The following MCPH1 variants were observed in gnomAD, a reference collection of about 807,000 sequenced individuals.
MCPH1 encodes the protein microcephalin 1, also known as microcephalin.
In MCPH1, 104 loss-of-function variants were observed where a neutral mutation model predicts 84.5. The observed-to-expected ratio is 1.23, with a 90% CI of 1.05 to 1.45. MCPH1 has a LOEUF of 1.45. MCPH1 is among the 40% of genes most tolerant of loss of function. MCPH1 has a pLI of 0.00. For synonymous variants in MCPH1, 514 were observed against 366.8 expected (o/e 1.40, Z -4.58); for missense variants, 1,498 against 1,005.7 (o/e 1.49, Z -6.62).
intron 13 of MCPH1, among the ~76,000 whole-genome samples, chr8:6,623,013 CT>C (rs1164226735): frequency 0.03 from 3,259 of 109,874 alleles, 133 homozygotes; most frequent in African/African-American, 0.11. Flanking sequence ...GCTTTACTTT[CT>C]TTTTTTTTTT....
intron 12 of MCPH1, among the ~76,000 whole-genome samples, chr8:6,607,430 A>T (rs995577042): frequency 6.6e-6 from 1 of 152,218 alleles, no homozygotes; most frequent in African/African-American, 2.4e-5. Context: ...GAGTCACATG[A>T]AACACATACT....
chr8:6,628,627 C>G (rs1796938935), intron 13 of MCPH1, among the ~76,000 whole-genome samples: 1 of 152,036 alleles, frequency 6.6e-6, no homozygotes, highest in Non-Finnish European at 1.5e-5. Flanking sequence ...GAAGTGAAAC[C>G]AGCCATGTAT....
chr8:6,542,549 A>G (rs913503742), intron 12 of MCPH1, among the ~76,000 whole-genome samples: 6 of 152,042 alleles, frequency 3.9e-5, no homozygotes, highest in African/African-American at 1.2e-4. Flanking sequence ...TGGTCTCCCA[A>G]CACCCCATCC....
intron 3 of MCPH1, among the ~76,000 whole-genome samples, chr8:6,418,974 T>C (rs1235507932): frequency 6.6e-6 from 1 of 152,172 alleles, no homozygotes; most frequent in Non-Finnish European, 1.5e-5. Context: ...TTCAGGTCTA[T>C]ATTTCTGCAA....
chr8:6,424,259 A>G (rs1800712623), intron 3 of MCPH1, among the ~76,000 whole-genome samples: 1 of 152,230 alleles, frequency 6.6e-6, no homozygotes, highest in African/African-American at 2.4e-5. Flanking sequence ...AGTTCTGTTG[A>G]AGACAATTTA....
chr8:6,604,802 G>C (rs551453160), intron 12 of MCPH1, among the ~76,000 whole-genome samples: 1 of 152,332 alleles, frequency 6.6e-6, no homozygotes, highest in African/African-American at 2.4e-5. Context: ...ACCACATCCA[G>C]CCCAGCCTAC....
intron 12 of MCPH1, among the ~76,000 whole-genome samples, chr8:6,586,436 G>A (rs1015026947): frequency 6.6e-6 from 1 of 152,202 alleles, no homozygotes; most frequent in African/African-American, 2.4e-5. Context: ...ACGCTTCCCT[G>A]TGACTAGCCT....
intron 12 of MCPH1, among the ~76,000 whole-genome samples, chr8:6,544,688 A>G (rs1460984687): frequency 2.0e-5 from 3 of 152,178 alleles, no homozygotes; most frequent in Non-Finnish European, 4.4e-5. Context: ...TTCTAAAGTA[A>G]TTTTTACAGA....
Position 6,621,657 on chromosome 8 carries a change from C to A in MCPH1, c.2418C>A (p.Ala806=), listed in dbSNP as rs2912016. The change falls in exon 13 of 14, where the codon GCC becomes GCA. Residue 806 remains alanine (A), a synonymous_variant. Coordinates refer to ENST00000344683, the MANE Select transcript of MCPH1 (RefSeq NM_024596.5). The part of the protein sequence containing the change: ...VIGPYSGKKK[A]TVKYLSEKWV... ...GGCCCTACAGCGGAAAGAAGAAAGC[C>A]ACAGTCAAGTATCTGTCTGAGAAAT... is the stretch of plus-strand genomic sequence containing the variant. 584,778 of 1,613,730 alleles carry A rather than the reference C, an allele frequency of 0.36. 106,687 individuals carry two copies. Among genetic ancestry groups the A allele is most frequent in the East Asian group, 0.45 (19,971 of 44,852 alleles).
At chr8:6,465,881 G>C (rs968295372) in intron 9 of MCPH1, among the ~76,000 whole-genome samples, 7 of 152,144 alleles carry the variant, frequency 4.6e-5, no homozygotes, top group South Asian at 2.1e-4. Flanking sequence ...ATTTATGTCT[G>C]TTCTCTTGAG....
chr8:6,613,621 A>ACC (rs769033962), intron 12 of MCPH1, among the ~76,000 whole-genome samples: 142 of 150,996 alleles, frequency 9.4e-4, no homozygotes, highest in Non-Finnish European at 1.9e-3. Context: ...AGCCCAAGGG[A>ACC]CCGGGGGGTG....
At chr8:6,486,961 C>G (rs1563275204) in intron 11 of MCPH1, among the ~76,000 whole-genome samples, 1 of 152,168 alleles carries the variant, frequency 6.6e-6, no homozygotes, top group Non-Finnish European at 1.5e-5. Flanking sequence ...CCCTCGAAAC[C>G]CTTTTGTGGA....
In MCPH1 at chr8:6,527,681, A is replaced by G. The variant is rs761136032; in HGVS notation, c.2214+27752A>G. 2.5e-6 allele frequency: 4 copies of G among 1,598,578 alleles called. No individual in the cohort carries two copies. The South Asian group carries it at 3.5e-5, about 14-fold the overall frequency. ...TCTCGTGGTCTGATTTAATACCTAAATGTAACAAAATGAAGTTCCTATTAA... is the reference window on the plus strand; with the variant it reads ...TCTCGTGGTCTGATTTAATACCTAAGTGTAACAAAATGAAGTTCCTATTAA... On this transcript the variant is annotated intron_variant, in intron 12 of 13. Transcript: ENST00000344683.
chr8:6,450,690 G>T (rs543008988), intron 8 of MCPH1, among the ~76,000 whole-genome samples: 2 of 151,950 alleles, frequency 1.3e-5, no homozygotes, highest in East Asian at 3.9e-4. Context: ...ATCCATTTTG[G>T]CTTTTAACAA....
At chr8:6,492,089 A>C (rs1366462598) in intron 11 of MCPH1, among the ~76,000 whole-genome samples, 4 of 152,198 alleles carry the variant, frequency 2.6e-5, no homozygotes, top group Admixed American at 2.6e-4. Context: ...TTACAGTCCC[A>C]CTAGCAATGT....
chr8:6,624,890 TCTGAGATGGAGTCTCG>T, intron 13 of MCPH1: 1 of 954,378 alleles, frequency 1.0e-6, no homozygotes, highest in Non-Finnish European at 1.2e-6. Context: ...TTTTTTTTTT[TCTGAGATGGAGTCTCG>T]CTGTGTCACC....
intron 12 of MCPH1, among the ~76,000 whole-genome samples, chr8:6,583,065 C>T (rs1158582297): frequency 6.6e-6 from 1 of 152,140 alleles, no homozygotes; most frequent in Non-Finnish European, 1.5e-5. Flanking sequence ...TATAGTCAAC[C>T]AAAACTCCTG....
At chr8:6,473,374 AG>A (rs1808018042) in intron 9 of MCPH1, among the ~76,000 whole-genome samples, 1 of 113,900 alleles carries the variant, frequency 8.8e-6, no homozygotes, top group Non-Finnish European at 1.6e-5. Flanking sequence ...TCTGTTGCCC[AG>A]GCTGGAGTGC....
rs535274041 is a variant in MCPH1, at chr8:6,445,285, G to C, written c.1563G>C (p.Glu521Asp). The C allele has an allele frequency of 7.4e-6, 12 of 1,614,090 alleles. No homozygotes were observed. Among genetic ancestry groups the C allele is most frequent in the Middle Eastern group, 3.3e-4 (2 of 6,084 alleles). Residue 521 changes from glutamate to aspartate, a missense_variant, in exon 8 of 14, where the codon GAG becomes GAC. Physicochemically the swap from Glu to Asp is conservative, Grantham distance 45 (BLOSUM62 2). Coordinates refer to ENST00000344683, the MANE Select transcript of MCPH1 (RefSeq NM_024596.5). Reference sequence around the variant, plus strand: ...CTGGGAAAGAAGACGCATGCCCAGAGGGAAATGGCTTTTCTTACACCATTG... The same window carrying C: ...CTGGGAAAGAAGACGCATGCCCAGACGGAAATGGCTTTTCTTACACCATTG... ...RQAGKEDACP[E>D]GNGFSYTIED...
Sources: allele counts gnomAD v4.1 joint callset (sites outside exome capture counted in the v4.1 genomes callset), GRCh38; gene constraint gnomAD v4.1.1; transcripts MANE v1.5; gene names NCBI Gene and HGNC (gene_info 2026-07-23, HGNC 2026-07-21).